Variants in SLC6A4 observed in about 807,000 individuals in gnomAD.
SLC6A4 encodes solute carrier family 6 member 4, also known as sodium-dependent serotonin transporter.
SLC6A4 carries 22 observed loss-of-function variants against 73.4 expected under a neutral mutation model. The ratio of observed to expected loss-of-function variants is 0.30; its 90% CI spans 0.21 to 0.43. The LOEUF (loss-of-function observed/expected upper bound fraction) is 0.43. Ranked by LOEUF, SLC6A4 falls within the 20% of genes least tolerant of loss-of-function variation. The probability of loss-of-function intolerance (pLI) is 1.00; values close to 1 mark genes in which losing one functional copy is unlikely to be tolerated. For missense variants in SLC6A4, 593 were observed against 808.5 expected, an observed-to-expected ratio of 0.73 and a Z score of 3.23; for synonymous variants, 270 against 315.5, an observed-to-expected ratio of 0.86 and a Z score of 1.53.
intron 11 of SLC6A4, 28 bp downstream of exon 11, chr17:30,210,487 A>G: frequency 6.2e-7 from 1 of 1,607,498 alleles, no homozygotes; most frequent in Non-Finnish European, 8.5e-7. Flanking sequence ...GGGGAGGCCA[A>G]CTCAAAGCTG....
In SLC6A4 at chr17:30,204,724, C is replaced by T. The variant is rs189065501; in HGVS notation, c.1651-1385G>A. Among the ~76,000 whole-genome samples the T allele has an allele frequency of 1.3e-5, 2 of 152,126 alleles. 1 individual carries two copies. The highest frequency in any genetic ancestry group is 4.1e-4 in the South Asian group (2 of 4,828). On this transcript the variant is annotated intron_variant, in intron 13 of 14. Coordinates refer to ENST00000650711, the MANE Select transcript of SLC6A4 (RefSeq NM_001045.6). ...GTTTACCTAAAGCAGCCTTAAGAAG[C>T]CCAGAGCAGGGGATCTGTTAAGTGA...
intron 4 of SLC6A4, 81 bp from the exon 5 acceptor site, chr17:30,218,418 G>A: frequency 9.3e-7 from 1 of 1,076,590 alleles, no homozygotes; most frequent in Admixed American, 2.0e-5. Context: ...GGGCACTGGA[G>A]AGCCCCGCAG....
At chr17:30,216,047 AC>A (rs764489611) in intron 7 of SLC6A4, 34 bp downstream of exon 7, 40 of 1,594,720 alleles carry the variant, frequency 2.5e-5, no homozygotes, top group African/African-American at 4.0e-5. Flanking sequence ...TAGTAAAATG[AC>A]AGACAGGTAC....
Position 30,222,927 on chromosome 17 carries a change from A to T in SLC6A4, c.-220-12T>A. 1.0e-6 allele frequency: 1 copy of T among 963,078 alleles called. No individual in the cohort carries two copies. The highest frequency in any genetic ancestry group is 1.3e-5 in the South Asian group (1 of 74,296). The allele number at this position is 963,078 out of a possible 1,614,324, so 59.7% of individuals were successfully genotyped here. A position where few individuals can be genotyped will look rare whatever the true frequency, so the allele number is the denominator to read the frequency against. On this transcript the variant is annotated splice_polypyrimidine_tract_variant and intron_variant, in intron 1 of 14. Transcript: ENST00000650711. ...TGCCTCCAGGAGACCTAGGGAGAAG[A>T]GTGTGCAGGTTACTGATGCTGGGGT...
intron 1 of SLC6A4, among the ~76,000 whole-genome samples, chr17:30,234,978 A>T (rs1479880539): frequency 6.6e-6 from 1 of 152,184 alleles, no homozygotes; most frequent in Non-Finnish European, 1.5e-5. Flanking sequence ...ATTTTCAAGC[A>T]AATGATGGTT....
chr17:30,230,059 A>AGAAGAAGAG (rs1429228070), intron 1 of SLC6A4, among the ~76,000 whole-genome samples: 3 of 98,258 alleles, frequency 3.1e-5, no homozygotes, highest in African/African-American at 2.0e-4. Context: ...AAGAAGAAGA[A>AGAAGAAGAG]GAAGAAGAAG....
At chr17:30,224,520 G>T (rs920741467) in intron 1 of SLC6A4, among the ~76,000 whole-genome samples, 1 of 152,120 alleles carries the variant, frequency 6.6e-6, no homozygotes, top group Non-Finnish European at 1.5e-5. Flanking sequence ...GCCTGGCCTG[G>T]CCCCACAATT....
At chr17:30,229,994 G>A (rs1317716192) in intron 1 of SLC6A4, among the ~76,000 whole-genome samples, 4 of 150,458 alleles carry the variant, frequency 2.7e-5, no homozygotes, top group Non-Finnish European at 5.9e-5. Context: ...ACTCCAGCCT[G>A]GACAACAGGA....
intron 14 of SLC6A4, among the ~76,000 whole-genome samples, chr17:30,199,558 G>T: frequency 6.6e-6 from 1 of 152,054 alleles, no homozygotes; most frequent in East Asian, 1.9e-4. Context: ...TGTTCTTTAA[G>T]AAATAGGGCC....
intron 10 of SLC6A4, among the ~76,000 whole-genome samples, chr17:30,210,938 A>G (rs893688217): frequency 6.6e-6 from 1 of 152,244 alleles, no homozygotes; most frequent in Non-Finnish European, 1.5e-5. Context: ...AGGCCAACTC[A>G]AAGCTGAGAC....
chr17:30,216,020 G>A (rs1906560556), intron 7 of SLC6A4, 62 bp downstream of exon 7: 1 of 1,480,400 alleles, frequency 6.8e-7, no homozygotes, highest in South Asian at 1.2e-5. Flanking sequence ...CCTATTTGGA[G>A]GAGGACCAGC....
chr17:30,212,930 C>G (rs1430243944), intron 8 of SLC6A4, 63 bp from the exon 9 acceptor site: 3 of 1,579,598 alleles, frequency 1.9e-6, no homozygotes, highest in Non-Finnish European at 2.6e-6. Flanking sequence ...TAAGGAGCAT[C>G]TGTCCGTGTG....
intron 3 of SLC6A4, among the ~76,000 whole-genome samples, chr17:30,220,388 C>T (rs1157304902): frequency 2.0e-5 from 3 of 152,168 alleles, no homozygotes; most frequent in African/African-American, 7.2e-5. Context: ...CCCCCAGGTT[C>T]CCATCTTCAT....
rs200861230 is a variant in SLC6A4 at position 30,222,898 on chromosome 17, G to A, written c.-203C>T. On this transcript the variant is annotated 5_prime_UTR_variant, in exon 2 of 15. Coordinates refer to ENST00000650711, the MANE Select transcript of SLC6A4 (RefSeq NM_001045.6). Reference sequence around the variant, plus strand: ...TCTGCAAGAGAGGGCAAGCAAGGTCGCCTTGCCTCCAGGAGACCTAGGGAG... The same window carrying A: ...TCTGCAAGAGAGGGCAAGCAAGGTCACCTTGCCTCCAGGAGACCTAGGGAG... 32 of 1,239,548 alleles carry A rather than the reference G, an allele frequency of 2.6e-5. No individual in the cohort carries two copies. Among genetic ancestry groups the A allele is most frequent in the Non-Finnish European group, 3.3e-5 (31 of 930,650 alleles). The allele number at this position is 1,239,548 out of a possible 1,614,324, so 76.8% of individuals were successfully genotyped here.
chr17:30,222,999 G>A (rs1378462389), intron 1 of SLC6A4, 84 bp from the exon 2 acceptor site: 3 of 439,372 alleles, frequency 6.8e-6, no homozygotes, highest in African/African-American at 2.0e-5. Context: ...GGGCCTGGCC[G>A]GGGCTGCTGT....
At chr17:30,230,614 G>T (rs1023146617) in intron 1 of SLC6A4, among the ~76,000 whole-genome samples, 1 of 152,204 alleles carries the variant, frequency 6.6e-6, no homozygotes, top group Non-Finnish European at 1.5e-5. Context: ...GAGCAAGGCG[G>T]AAGAGGGAAG....
rs1238245868 is a variant in SLC6A4, at chr17:30,207,753, G to A, written c.1629C>T (p.Ala543=). 6.2e-7 allele frequency: 1 copy of A among 1,612,442 alleles called. No individual in the cohort carries two copies. Among genetic ancestry groups the A allele is most frequent in the Non-Finnish European group, 8.5e-7 (1 of 1,178,464 alleles). Residue 543 remains alanine (A), a synonymous_variant, in exon 13 of 15, where the codon GCC becomes GCT. Coordinates refer to ENST00000650711, the MANE Select transcript of SLC6A4 (RefSeq NM_001045.6). ...TCACCAGGAGAAACAGAGGGCTGAT[G>A]GCCACCCAGCAGATCCTCCAGAACC... ...PGWFWRICWV[A]ISPLFLLFII...
intron 13 of SLC6A4, chr17:30,204,239 A>G (rs1906121839): frequency 6.6e-6 from 1 of 152,224 alleles, no homozygotes; most frequent in Non-Finnish European, 1.5e-5. Flanking sequence ...TTATTATTTC[A>G]CAGTCATAAA....
Position 30,211,481 on chromosome 17 carries a change from T to A in SLC6A4, c.1205-57A>T. The A allele has an allele frequency of 9.2e-7, 1 of 1,088,094 alleles. No homozygotes were observed. The highest frequency in any genetic ancestry group is 1.4e-6 in the Non-Finnish European group (1 of 703,130). The allele number at this position is 1,088,094 out of a possible 1,614,324, so 67.4% of individuals were successfully genotyped here. A position where few individuals can be genotyped will look rare whatever the true frequency, so the allele number is the denominator to read the frequency against. ...TGACAAGACCTGTCCTACAAAGATG[T>A]CACAGAGGAAAACTCAGCCACAACA... On this transcript the variant is annotated intron_variant, in intron 9 of 14. Transcript: ENST00000650711. The surrounding 1 kb of genome is among the most constrained non-coding windows in gnomAD (Gnocchi z 4.0).
Sources: allele counts gnomAD v4.1 joint callset (sites outside exome capture counted in the v4.1 genomes callset), GRCh38; gene constraint gnomAD v4.1.1; non-coding constraint Gnocchi (gnomAD v3.1); transcripts MANE v1.5; gene names NCBI Gene and HGNC (gene_info 2026-07-23, HGNC 2026-07-21).